The following SLC15A5 variants were observed in gnomAD, a reference collection of about 807,000 sequenced individuals.
SLC15A5 encodes Peptide/histidine transporter ENSP00000340402.
A neutral mutation model predicts 56.1 loss-of-function variants in SLC15A5; 58 were observed. That is an observed-to-expected ratio of 1.03 (90% CI 0.84 to 1.29). SLC15A5 has a LOEUF of 1.29. Among genes scored for constraint, SLC15A5 ranks in the 50% most tolerant of loss-of-function variants. The pLI is 0.00. For synonymous variants in SLC15A5, 264 were observed against 250.5 expected, an observed-to-expected ratio of 1.05 and a Z score of -0.51; for missense variants, 681 against 672.1, an observed-to-expected ratio of 1.01 and a Z score of -0.15.
intron 6 of SLC15A5, among the ~76,000 whole-genome samples, chr12:16,222,580 C>T (rs933322141): frequency 6.6e-6 from 1 of 152,162 alleles, no homozygotes; most frequent in East Asian, 1.9e-4. Flanking sequence ...AGACCAAATT[C>T]TTTCAGTCCC....
rs763515940 is a variant in SLC15A5 at position 16,193,780 on chromosome 12, G to GGAGCGAGAGAGAGAGAGAGAGA, written c.1592+564_1592+565insTCTCTCTCTCTCTCTCTCGCTC. On this transcript the variant is annotated intron_variant, in intron 8 of 8. Transcript: ENST00000344941. Reference sequence around the variant, plus strand: ...ACAGCTGTCCAAGAATATGTCAAGGGGAGAGAGAGAGAGAGAGAGAGAGAG... The same window carrying GGAGCGAGAGAGAGAGAGAGAGA: ...ACAGCTGTCCAAGAATATGTCAAGGGGAGCGAGAGAGAGAGAGAGAGAGAGAGAGAGAGAGAGAGAGAGAGAG... 7.9e-5 allele frequency among the ~76,000 whole-genome samples: 6 copies of GGAGCGAGAGAGAGAGAGAGAGA among 75,774 alleles called. 2 individuals carry two copies. Among genetic ancestry groups the GGAGCGAGAGAGAGAGAGAGAGA allele is most frequent in the Admixed American group, 1.4e-4 (1 of 7,028 alleles). The allele number at this position is 75,774 out of a possible 152,430, so 49.7% of individuals were successfully genotyped here. A position where few individuals can be genotyped will look rare whatever the true frequency, so the allele number is the denominator to read the frequency against.
Position 16,199,784 on chromosome 12 carries a change from A to G in SLC15A5, c.1484-5331T>C, listed in dbSNP as rs937475108. ...AAAAGAAGTAATGGGAATAAGACAT[A>G]GTCATCCAAGAAGTATTGGATGCAG... On this transcript the variant is annotated intron_variant, in intron 7 of 8. Transcript: ENST00000344941. Among the ~76,000 whole-genome samples, 4 of 152,308 alleles carry G rather than the reference A, an allele frequency of 2.6e-5. No individual in the cohort carries two copies. The East Asian group carries it at 7.7e-4, about 29-fold the overall frequency.
chr12:16,197,132 C>T (rs778763408), intron 7 of SLC15A5, among the ~76,000 whole-genome samples: 1 of 151,672 alleles, frequency 6.6e-6, no homozygotes, highest in South Asian at 2.1e-4. Context: ...TGCCATATTA[C>T]GTATTCAAAC....
chr12:16,189,371 T>A lies in SLC15A5; in HGVS notation c.*297A>T, dbSNP rs1274237044. ...TCATACGCTTTCAATGGCTGAACCA[T>A]TGTAGAAAGCTGTAAGGTATTATTG... On this transcript the variant is annotated 3_prime_UTR_variant, in exon 9 of 9. Transcript: ENST00000344941. 5.2e-6 allele frequency: 1 copy of A among 191,526 alleles called. No individual in the cohort carries two copies. Among genetic ancestry groups the A allele is most frequent in the Non-Finnish European group, 1.1e-5 (1 of 94,832 alleles). The allele number at this position is 191,526 out of a possible 1,614,324, so 11.9% of individuals were successfully genotyped here.
intron 7 of SLC15A5, among the ~76,000 whole-genome samples, chr12:16,198,673 G>A (rs1172237331): frequency 6.6e-6 from 1 of 152,044 alleles, no homozygotes; most frequent in African/African-American, 2.4e-5. Context: ...AAATACCTAA[G>A]GACGACATTT....
intron 5 of SLC15A5, 23 bp from the exon 6 acceptor site, chr12:16,224,625 A>G (rs763119606): frequency 8.6e-6 from 13 of 1,513,946 alleles, no homozygotes; most frequent in South Asian, 2.5e-5. Context: ...AATGCAAAAG[A>G]AAAAAAAGTT....
rs66881403 is a variant in SLC15A5 at position 16,189,458 on chromosome 12, TATTA to T, written c.*206_*209del. ...AATCACTGAGACTTTGAAATTATTT[TATTA>T]ATTCTAATGCTATAACATGTTAATG... On this transcript the variant is annotated 3_prime_UTR_variant, in exon 9 of 9. Transcript: ENST00000344941. 92,768 of 366,842 alleles carry T rather than the reference TATTA, an allele frequency of 0.25. 12,061 individuals are homozygous for T. Among genetic ancestry groups the T allele is most frequent in the African/African-American group, 0.3 (14,141 of 47,888 alleles). 22.7% of individuals were successfully genotyped at this position (366,842 alleles called of 1,614,324 possible). A position where few individuals can be genotyped will look rare whatever the true frequency, so the allele number is the denominator to read the frequency against.
intron 8 of SLC15A5, among the ~76,000 whole-genome samples, chr12:16,192,030 G>C (rs1215917187): frequency 6.6e-6 from 1 of 152,102 alleles, no homozygotes; most frequent in Non-Finnish European, 1.5e-5. Context: ...TAGAAGTGTA[G>C]AAGCATGGGC....
rs554169666 is a variant in SLC15A5, at chr12:16,237,186, G to A, written c.1162+2495C>T. Among the ~76,000 whole-genome samples, 104 of 152,210 alleles carry A rather than the reference G, an allele frequency of 6.8e-4. No individual in the cohort carries two copies. The highest frequency in any genetic ancestry group is 2.5e-3 in the African/African-American group (104 of 41,542). ...CAGTTATGTAAATTAGTATCAAAAA[G>A]TACCCCAGGTTGGTACTTTTATGTC... On this transcript the variant is annotated intron_variant, in intron 5 of 8. Transcript: ENST00000344941. This position sits in a 1 kb window ranked among gnomAD's most constrained non-coding sequence, Gnocchi z 4.1.
intron 5 of SLC15A5, among the ~76,000 whole-genome samples, chr12:16,231,876 TTC>T (rs1346567489): frequency 6.6e-6 from 1 of 152,204 alleles, no homozygotes. Flanking sequence ...TGAAGAAATC[TTC>T]TCTCAATAAG....
rs1864706163 is a variant in SLC15A5 at position 16,267,193 on chromosome 12, G to A, written c.584+5368C>T. ...AGTTTCAGGTCTTCATAGCATTAGT[G>A]TACCATTTAAATATTCCAGAGAAAG... On this transcript the variant is annotated intron_variant, in intron 2 of 8. Coordinates refer to ENST00000344941, the MANE Select transcript of SLC15A5 (RefSeq NM_001170798.1). Among the ~76,000 whole-genome samples, 3 of 120,246 alleles carry A rather than the reference G, an allele frequency of 2.5e-5. 1 individual carries two copies. Among genetic ancestry groups the A allele is most frequent in the Non-Finnish European group, 5.4e-5 (3 of 55,502 alleles). 78.9% of individuals were successfully genotyped at this position (120,246 alleles called of 152,430 possible).
intron 7 of SLC15A5, among the ~76,000 whole-genome samples, chr12:16,212,063 T>C (rs1864087312): frequency 6.6e-6 from 1 of 152,184 alleles, no homozygotes; most frequent in African/African-American, 2.4e-5. Flanking sequence ...GAAAATATCC[T>C]ATATACTAAA....
At chr12:16,240,940 G>A (rs1469316058) in intron 4 of SLC15A5, among the ~76,000 whole-genome samples, 1 of 152,020 alleles carries the variant, frequency 6.6e-6, no homozygotes, top group African/African-American at 2.4e-5. Flanking sequence ...AGCCTTCCGA[G>A]TAGCTGAGAC....
chr12:16,259,105 G>C (rs1799490), intron 2 of SLC15A5, among the ~76,000 whole-genome samples: 135,355 of 143,504 alleles, frequency 0.94, 63,915 homozygotes, highest in East Asian at 0.99. Flanking sequence ...AATCATGGCT[G>C]ACTGCAGCTT....
At chr12:16,275,867 T>C (rs1432161203) in intron 1 of SLC15A5, among the ~76,000 whole-genome samples, 4 of 151,916 alleles carry the variant, frequency 2.6e-5, no homozygotes. Flanking sequence ...CAGAGTAAGT[T>C]AGTCTGGGAT....
chr12:16,217,186 A>G (rs1362097772), intron 6 of SLC15A5, among the ~76,000 whole-genome samples, 162 bp from the exon 7 acceptor site: 1 of 152,216 alleles, frequency 6.6e-6, no homozygotes, highest in Non-Finnish European at 1.5e-5. Context: ...ATACTGTGTT[A>G]CAATTTACAG....
intron 8 of SLC15A5, among the ~76,000 whole-genome samples, chr12:16,194,021 A>G (rs1178534684): frequency 6.6e-6 from 1 of 151,998 alleles, no homozygotes; most frequent in Non-Finnish European, 1.5e-5. Context: ...TATTTGTTTA[A>G]TGGTATTTGC....
chr12:16,196,124 A>C lies in SLC15A5; in HGVS notation c.1484-1671T>G, dbSNP rs1863892565. The stretch of plus-strand genomic sequence containing the variant: ...CAGTATTTAGATCAGTGCCTGACAA[A>C]TAGGGATTATTTGGCAAAATAATAC... On this transcript the variant is annotated intron_variant, in intron 7 of 8. Transcript: ENST00000344941. The surrounding 1 kb of genome is among the most constrained non-coding windows in gnomAD (Gnocchi z 4.0). Among the ~76,000 whole-genome samples, 1 of 152,130 alleles carries C rather than the reference A, an allele frequency of 6.6e-6. No homozygotes were observed. Among genetic ancestry groups the C allele is most frequent in the South Asian group, 2.1e-4 (1 of 4,828 alleles).
chr12:16,255,341 G>C (rs983844950), intron 3 of SLC15A5, among the ~76,000 whole-genome samples: 5 of 152,166 alleles, frequency 3.3e-5, no homozygotes, highest in African/African-American at 1.2e-4. Context: ...GCAATGAAAA[G>C]ATGCTCACCT....
Sources: allele counts gnomAD v4.1 joint callset (sites outside exome capture counted in the v4.1 genomes callset), GRCh38; gene constraint gnomAD v4.1.1; non-coding constraint Gnocchi (gnomAD v3.1); transcripts MANE v1.5; gene names NCBI Gene and HGNC (gene_info 2026-07-23, HGNC 2026-07-21).